EXOC2: variants seen among roughly 807,000 people sequenced by gnomAD.
EXOC2 encodes the protein exocyst complex component 2.
Under a neutral mutation model 131.8 loss-of-function variants are expected in EXOC2, and 70 were observed. That is an observed-to-expected ratio of 0.53 (90% CI 0.44 to 0.65). EXOC2 has a LOEUF of 0.65. EXOC2 is among the 30% of genes least tolerant of loss of function. The probability of loss-of-function intolerance (pLI) is 0.00; values close to 1 mark genes in which losing one functional copy is unlikely to be tolerated. For synonymous variants in EXOC2, 411 were observed against 398.4 expected, an observed-to-expected ratio of 1.03 and a Z score of -0.38; for missense variants, 923 against 1,108.6, an observed-to-expected ratio of 0.83 and a Z score of 2.38.
At chr6:516,688 A>G (rs1311298646) in intron 23 of EXOC2, among the ~76,000 whole-genome samples, 1 of 152,258 alleles carries the variant, frequency 6.6e-6, no homozygotes, top group East Asian at 1.9e-4. Flanking sequence ...AGACGGTAGC[A>G]TCTACGCAAG....
At chr6:663,951 G>T (rs760443848) in intron 1 of EXOC2, among the ~76,000 whole-genome samples, 2 of 152,168 alleles carry the variant, frequency 1.3e-5, no homozygotes, top group Admixed American at 1.3e-4. Flanking sequence ...AATCAGACAA[G>T]AGAAAGAAAG....
rs1477535658 is a variant in EXOC2 at position 648,293 on chromosome 6, C to T, written c.-43-10432G>A. ...GATATGTTCTTATCAATAAGTAATG[C>T]TCTTATGTTTAAAATCTCTAATAAA... On this transcript the variant is annotated intron_variant, in intron 1 of 27. Coordinates refer to ENST00000230449, the MANE Select transcript of EXOC2 (RefSeq NM_018303.6). 2.6e-5 allele frequency among the ~76,000 whole-genome samples: 4 copies of T among 152,076 alleles called. No homozygotes were observed. The East Asian group carries it at 7.7e-4, about 29-fold the overall frequency.
intron 11 of EXOC2, among the ~76,000 whole-genome samples, chr6:590,167 A>G (rs1394683935): frequency 1.3e-5 from 2 of 151,940 alleles, no homozygotes; most frequent in Non-Finnish European, 2.9e-5. Context: ...TAAGGTTGAG[A>G]GCTCTGCCGA....
chr6:653,203 C>T (rs573681396), intron 1 of EXOC2, among the ~76,000 whole-genome samples: 9 of 152,288 alleles, frequency 5.9e-5, no homozygotes, highest in South Asian at 2.1e-4. Flanking sequence ...AATCCTACAA[C>T]GGCCTCTAAG....
chr6:651,093 T>G (rs1762808994), intron 1 of EXOC2, among the ~76,000 whole-genome samples: 1 of 151,310 alleles, frequency 6.6e-6, no homozygotes, highest in African/African-American at 2.4e-5. Flanking sequence ...CAGTAGCGTG[T>G]GATCTCGGCT....
At chr6:622,158 G>C (rs980678523) in intron 4 of EXOC2, among the ~76,000 whole-genome samples, 1 of 152,236 alleles carries the variant, frequency 6.6e-6, no homozygotes, top group Non-Finnish European at 1.5e-5. Flanking sequence ...CATGGTGGCT[G>C]CAGACCATGT....
intron 4 of EXOC2, among the ~76,000 whole-genome samples, chr6:619,818 A>G (rs952525573): frequency 6.6e-6 from 1 of 152,276 alleles, no homozygotes; most frequent in Non-Finnish European, 1.5e-5. Context: ...TATAAGGTTT[A>G]AAGAGGATTA....
At chr6:600,926 T>C (rs1402403384) in intron 7 of EXOC2, among the ~76,000 whole-genome samples, 3 of 152,236 alleles carry the variant, frequency 2.0e-5, no homozygotes, top group Non-Finnish European at 4.4e-5. Context: ...CTGCTGTAAA[T>C]TTAATTGTAT....
At chr6:532,935 T>A (rs1400667433) in intron 22 of EXOC2, among the ~76,000 whole-genome samples, 1 of 152,008 alleles carries the variant, frequency 6.6e-6, no homozygotes, top group Non-Finnish European at 1.5e-5. Context: ...TGGGGAGCCC[T>A]CAGGAAACTT....
chr6:638,420 T>G (rs940077253), intron 1 of EXOC2, among the ~76,000 whole-genome samples: 2 of 152,192 alleles, frequency 1.3e-5, no homozygotes, highest in African/African-American at 4.8e-5. Flanking sequence ...TTGCTAGCTG[T>G]TGTGAGTATA....
chr6:556,908 T>C (rs1338804979), intron 17 of EXOC2, among the ~76,000 whole-genome samples: 1 of 152,226 alleles, frequency 6.6e-6, no homozygotes, highest in Non-Finnish European at 1.5e-5. Flanking sequence ...TGAATGCTAA[T>C]TCTGAAGGAT....
At chr6:582,592 C>A (rs771055201) in intron 11 of EXOC2, among the ~76,000 whole-genome samples, 2 of 149,710 alleles carry the variant, frequency 1.3e-5, no homozygotes, top group Admixed American at 6.7e-5. Context: ...TCCTTTCAAG[C>A]GCACCACACA....
intron 23 of EXOC2, among the ~76,000 whole-genome samples, chr6:507,137 T>TAC (rs551491811): frequency 8.7e-4 from 39 of 45,012 alleles, no homozygotes; most frequent in African/African-American, 1.8e-3. Flanking sequence ...CACACACACA[T>TAC]ACACACACAC....
At chr6:541,245 G>A (rs1766799724) in intron 22 of EXOC2, among the ~76,000 whole-genome samples, 1 of 151,978 alleles carries the variant, frequency 6.6e-6, no homozygotes, top group Non-Finnish European at 1.5e-5. Flanking sequence ...GACTAAAATA[G>A]AATATTAAAA....
At chr6:550,200 C>G (rs1581417548) in intron 21 of EXOC2, among the ~76,000 whole-genome samples, 1 of 152,306 alleles carries the variant, frequency 6.6e-6, no homozygotes, top group Admixed American at 6.5e-5. Flanking sequence ...GCAAAAAACA[C>G]TTTCCATCAC....
intron 7 of EXOC2, among the ~76,000 whole-genome samples, chr6:607,216 C>A (rs566313962): frequency 6.6e-6 from 1 of 152,176 alleles, no homozygotes; most frequent in South Asian, 2.1e-4. Flanking sequence ...CTGAAACCTG[C>A]GCCTATCAAA....
intron 22 of EXOC2, among the ~76,000 whole-genome samples, chr6:538,772 A>C (rs1273195556): frequency 2.0e-5 from 3 of 152,194 alleles, no homozygotes; most frequent in African/African-American, 7.2e-5. Context: ...GGTTAAACCC[A>C]CTGTAAGTAG....
intron 17 of EXOC2, among the ~76,000 whole-genome samples, chr6:561,928 G>C (rs893126810): frequency 1.3e-5 from 2 of 152,160 alleles, no homozygotes; most frequent in African/African-American, 4.8e-5. Context: ...GAGCAGCCAC[G>C]TGCTCTCCCG....
At chr6:682,812 G>A (rs1182453543) in intron 1 of EXOC2, among the ~76,000 whole-genome samples, 1 of 152,184 alleles carries the variant, frequency 6.6e-6, no homozygotes, top group African/African-American at 2.4e-5. Flanking sequence ...AATGGTGATG[G>A]TTGTACAACT....
Sources: allele counts gnomAD v4.1 joint callset (sites outside exome capture counted in the v4.1 genomes callset), GRCh38; gene constraint gnomAD v4.1.1; transcripts MANE v1.5; gene names NCBI Gene and HGNC (gene_info 2026-07-23, HGNC 2026-07-21).